The following AMMECR1 variants were observed in gnomAD, a reference collection of about 807,000 sequenced individuals.
AMMECR1 encodes the protein AMMECR nuclear protein 1.
Under a neutral mutation model 22.5 loss-of-function variants are expected in AMMECR1, and 3 were observed. The observed-to-expected ratio is 0.13, with a 90% CI of 0.06 to 0.35. AMMECR1 has a LOEUF of 0.35. Among genes scored for constraint, AMMECR1 ranks in the 10% least tolerant of loss-of-function variants. The pLI is 1.00. For synonymous variants in AMMECR1, 130 were observed against 116.7 expected (o/e 1.11, Z -0.74); for missense variants, 235 against 278.7 (o/e 0.84, Z 1.12).
rs900227735 is a variant in AMMECR1, at chrX:110,420,225, C to T, written c.-148+6433G>A. ...TTACTTGTCTGTCCTTCCTACTAGA[C>T]GAGGAGCTTCTCAAGTGCAGAGACT... On this transcript the variant is annotated intron_variant, in intron 2 of 7. Coordinates refer to the AMMECR1 transcript ENST00000372057. Among the ~76,000 whole-genome samples, 11 of 112,201 alleles carry T rather than the reference C, an allele frequency of 9.8e-5. No individual in the cohort carries two copies. The East Asian group carries it at 1.9e-3, about 20-fold the overall frequency.
chrX:110,312,729 T>G (rs1373250844), intron 1 of AMMECR1, among the ~76,000 whole-genome samples: 1 of 112,072 alleles, frequency 8.9e-6, no homozygotes, highest in Admixed American at 9.4e-5. Context: ...CCTTCTTTTC[T>G]ATCCATAAGA....
intron 2 of AMMECR1, among the ~76,000 whole-genome samples, chrX:110,346,363 T>C (rs1426559585): frequency 1.8e-5 from 2 of 112,138 alleles, no homozygotes; most frequent in Admixed American, 9.4e-5. Context: ...TCAATAAACA[T>C]ATGAAAAAGT....
In AMMECR1 at chrX:110,227,005, C is replaced by T. The variant is rs1376464425; in HGVS notation, c.585-10373G>A. ...TGGGATGCTAAGCCTTCCCTTATTC[C>T]GAAGCCCTTTCCACAGTTTGAAACT... On this transcript the variant is annotated intron_variant, in intron 2 of 5. Transcript: ENST00000262844. Among the ~76,000 whole-genome samples the T allele has an allele frequency of 5.4e-5, 6 of 111,604 alleles. No individual in the cohort carries two copies. The East Asian group carries it at 1.7e-3, about 31-fold the overall frequency.
chrX:110,312,883 G>A (rs192029023), intron 1 of AMMECR1, among the ~76,000 whole-genome samples: 1 of 112,409 alleles, frequency 8.9e-6, no homozygotes, highest in African/African-American at 3.2e-5. Flanking sequence ...ATGCAAGTTA[G>A]TACCGTTATG....
chrX:110,284,245 GA>G (rs760844048), intron 1 of AMMECR1, among the ~76,000 whole-genome samples: 5 of 111,975 alleles, frequency 4.5e-5, no homozygotes, highest in South Asian at 3.7e-4. Context: ...CCAGAGGGGG[GA>G]AAAAAAGAGT....
upstream of AMMECR1, among the ~76,000 whole-genome samples, chrX:110,318,668 C>T (rs766529090): frequency 3.3e-4 from 37 of 111,131 alleles, no homozygotes; most frequent in Admixed American, 9.5e-4. Flanking sequence ...CGAGCAGGTG[C>T]CCAGAGCTCC....
intron 2 of AMMECR1, among the ~76,000 whole-genome samples, chrX:110,238,515 A>G (rs1258246027): frequency 8.9e-6 from 1 of 112,375 alleles, no homozygotes; most frequent in East Asian, 2.8e-4. Flanking sequence ...CTCTCTGGGC[A>G]GGGCATCTCT....
chrX:110,406,112 TG>T (rs1254375743), intron 2 of AMMECR1, among the ~76,000 whole-genome samples: 1 of 109,650 alleles, frequency 9.1e-6, no homozygotes, highest in African/African-American at 3.3e-5. Context: ...TTCTGGAAAG[TG>T]GTTTTTTTTT....
intron 2 of AMMECR1, among the ~76,000 whole-genome samples, chrX:110,340,707 T>A (rs754034792): frequency 1.8e-5 from 2 of 112,625 alleles, no homozygotes; most frequent in South Asian, 7.3e-4. Flanking sequence ...ATATTAGGCA[T>A]TCAGCAATTG....
rs112943227 is a variant in AMMECR1 at position 110,267,342 on chromosome X, G to A, written c.474-2743C>T. On this transcript the variant is annotated intron_variant, in intron 1 of 5. Transcript: ENST00000262844. ...TCCTATTTCTCCACATCCTCTCCAGGAGCTGTTGTTTCCTGACTTTTTAAT... is the reference window on the plus strand; with the variant it reads ...TCCTATTTCTCCACATCCTCTCCAGAAGCTGTTGTTTCCTGACTTTTTAAT... 7.5e-3 allele frequency among the ~76,000 whole-genome samples: 822 copies of A among 109,132 alleles called. 6 individuals carry two copies. Among genetic ancestry groups the A allele is most frequent in the African/African-American group, 0.026 (765 of 29,956 alleles). The allele number at this position is 109,132 out of a possible 115,157, so 94.8% of individuals were successfully genotyped here.
At chrX:110,408,552 G>A (rs1257284235) in intron 2 of AMMECR1, among the ~76,000 whole-genome samples, 46 of 112,008 alleles carry the variant, frequency 4.1e-4, no homozygotes, top group African/African-American at 1.5e-3. Context: ...AGCATAAAGG[G>A]TTTTGCTTCC....
chrX:110,292,797 C>A (rs2067915647), intron 1 of AMMECR1, among the ~76,000 whole-genome samples: 1 of 111,458 alleles, frequency 9.0e-6, no homozygotes, highest in African/African-American at 3.3e-5. Flanking sequence ...TTGTCCAAAC[C>A]CTTAGAATGT....
chrX:110,387,857 C>CTCTTT (rs745786546), intron 2 of AMMECR1, among the ~76,000 whole-genome samples: 6 of 82,799 alleles, frequency 7.2e-5, no homozygotes, highest in African/African-American at 3.2e-4. Flanking sequence ...CTCCCTCTCT[C>CTCTTT]TTTTTTTTTT....
intron 2 of AMMECR1, among the ~76,000 whole-genome samples, chrX:110,423,396 G>T (rs765651679): frequency 9.1e-6 from 1 of 110,150 alleles, no homozygotes; most frequent in South Asian, 4.0e-4. Flanking sequence ...GAGAAGGAGA[G>T]AAGAAGAAGG....
At chrX:110,406,914 T>C (rs1002030784) in intron 2 of AMMECR1, among the ~76,000 whole-genome samples, 2 of 112,080 alleles carry the variant, frequency 1.8e-5, no homozygotes, top group African/African-American at 6.5e-5. Context: ...GGTTAGAACC[T>C]TCAAGATGTC....
At position 110,317,776 on chromosome X, in the gene AMMECR1, G is replaced by A. The variant is rs1192851118; in HGVS notation, c.296C>T (p.Thr99Ile). 1 of 1,173,997 alleles carries A rather than the reference G, an allele frequency of 8.5e-7. No homozygotes were observed. Among genetic ancestry groups the A allele is most frequent in the East Asian group, 3.2e-5 (1 of 31,408 alleles). ...TGAGGAAGAGGTGGCGGCGGCCGGGGTAGAAAGTAGGGTCCCCACTCCGCA... is the reference window on the plus strand; with the variant it reads ...TGAGGAAGAGGTGGCGGCGGCCGGGATAGAAAGTAGGGTCCCCACTCCGCA... ...PSCGVGTLLS[T>I]PAAATSSSPS... Residue 99 changes from threonine (T) to isoleucine (I), a missense_variant, in exon 1 of 6, where the codon ACC (threonine) becomes ATC (isoleucine). Transcript: ENST00000262844.
At chrX:110,237,147 C>T (rs1261099913) in intron 2 of AMMECR1, among the ~76,000 whole-genome samples, 7 of 111,384 alleles carry the variant, frequency 6.3e-5, no homozygotes, top group Admixed American at 5.8e-4. Flanking sequence ...TTATGCTTTT[C>T]TCACCTTCTT....
chrX:110,278,853 T>G (rs183053905), intron 1 of AMMECR1, among the ~76,000 whole-genome samples: 63 of 111,963 alleles, frequency 5.6e-4, no homozygotes, highest in Admixed American at 1.0e-3. Context: ...TTGAACATGT[T>G]TATCCCTAAA....
At chrX:110,381,220 C>A (rs756620918) in intron 2 of AMMECR1, among the ~76,000 whole-genome samples, 2 of 111,869 alleles carry the variant, frequency 1.8e-5, no homozygotes, top group Non-Finnish European at 3.8e-5. Flanking sequence ...CTATAAGGAA[C>A]TTAAATCAAC....
Sources: gnomAD v4.1 joint callset for allele counts (sites outside exome capture counted in the v4.1 genomes callset) on GRCh38, gnomAD v4.1.1 for gene constraint, MANE v1.5 for transcripts, NCBI Gene and HGNC (gene_info 2026-07-23, HGNC 2026-07-21) for gene names.